NPAS3: variants seen among roughly 807,000 people sequenced by gnomAD.
The protein encoded by NPAS3 is neuronal PAS domain-containing protein 3.
A neutral mutation model predicts 73.1 loss-of-function variants in NPAS3; 14 were observed. The ratio of observed to expected loss-of-function variants is 0.19; its 90% CI spans 0.13 to 0.30. The LOEUF (loss-of-function observed/expected upper bound fraction) is 0.30, where lower values mean the gene tolerates loss of function less well. Among genes scored for constraint, NPAS3 ranks in the 10% least tolerant of loss-of-function variants. The pLI is 1.00. For synonymous variants in NPAS3, 620 were observed against 541.5 expected (o/e 1.14, Z -2.01); for missense variants, 1,096 against 1,250.0 (o/e 0.88, Z 1.86).
At chr14:33,163,439 T>C (rs2044986577) in intron 2 of NPAS3, among the ~76,000 whole-genome samples, 1 of 152,098 alleles carries the variant, frequency 6.6e-6, no homozygotes, top group Non-Finnish European at 1.5e-5. Context: ...TGAGTTGATA[T>C]GTAGAGAGAA....
intron 4 of NPAS3, among the ~76,000 whole-genome samples, chr14:33,404,457 T>C (rs765604958): frequency 6.6e-6 from 1 of 152,080 alleles, no homozygotes; most frequent in Admixed American, 6.6e-5. Flanking sequence ...AATTCTGTAA[T>C]GGGTACTTCA....
At chr14:33,202,461 G>A (rs937580538) in intron 2 of NPAS3, among the ~76,000 whole-genome samples, 7 of 152,078 alleles carry the variant, frequency 4.6e-5, no homozygotes, top group African/African-American at 1.7e-4. Context: ...AAGTAGACTT[G>A]GTTAAAATAA....
chr14:33,429,474 C>T (rs963735338), intron 4 of NPAS3, among the ~76,000 whole-genome samples: 1 of 152,070 alleles, frequency 6.6e-6, no homozygotes, highest in Non-Finnish European at 1.5e-5. Flanking sequence ...GCAACCATAC[C>T]CAACATCATC....
chr14:33,771,077 A>T (rs892877274), intron 7 of NPAS3, among the ~76,000 whole-genome samples: 1 of 152,172 alleles, frequency 6.6e-6, no homozygotes, highest in African/African-American at 2.4e-5. Flanking sequence ...TCTTGACAAT[A>T]TTCTTTTCTG....
intron 1 of NPAS3, among the ~76,000 whole-genome samples, chr14:33,002,094 C>T (rs565295976): frequency 1.3e-5 from 2 of 152,332 alleles, no homozygotes; most frequent in East Asian, 3.9e-4. Flanking sequence ...CACATTGTCT[C>T]CCAGTAATAC....
chr14:33,219,557 A>G (rs1472090474), intron 3 of NPAS3, among the ~76,000 whole-genome samples: 1 of 152,208 alleles, frequency 6.6e-6, no homozygotes, highest in African/African-American at 2.4e-5. Flanking sequence ...TGAACACATT[A>G]GGGAAGAACT....
intron 5 of NPAS3, among the ~76,000 whole-genome samples, chr14:33,571,143 T>C (rs183243487): frequency 1.3e-4 from 20 of 152,332 alleles, no homozygotes; most frequent in Admixed American, 1.3e-3. Context: ...CTGTTAGACA[T>C]TGAGTCTTTG....
At chr14:33,458,364 TTC>T (rs1411723309) in intron 4 of NPAS3, among the ~76,000 whole-genome samples, 2 of 152,342 alleles carry the variant, frequency 1.3e-5, no homozygotes, top group East Asian at 1.9e-4. Context: ...ACTTTAAATT[TTC>T]TCTGTTTTGA....
At chr14:33,729,859 T>C (rs996455634) in intron 6 of NPAS3, among the ~76,000 whole-genome samples, 1 of 152,256 alleles carries the variant, frequency 6.6e-6, no homozygotes. Flanking sequence ...GAAGAATTTG[T>C]AGCATTTTAA....
At chr14:33,480,572 CCTCT>C (rs1207658046) in intron 4 of NPAS3, among the ~76,000 whole-genome samples, 1 of 137,886 alleles carries the variant, frequency 7.3e-6, no homozygotes, top group Non-Finnish European at 1.6e-5. Flanking sequence ...TCCCTCCCTC[CCTCT>C]CTCTCTCTCC....
chr14:33,198,680 A>G (rs1449499568), intron 2 of NPAS3, among the ~76,000 whole-genome samples: 1 of 152,188 alleles, frequency 6.6e-6, no homozygotes, highest in Non-Finnish European at 1.5e-5. Flanking sequence ...GGTTTCCCCT[A>G]GTGGATCCCG....
intron 4 of NPAS3, among the ~76,000 whole-genome samples, chr14:33,453,194 T>C (rs1212564158): frequency 6.6e-6 from 1 of 152,172 alleles, no homozygotes; most frequent in Admixed American, 6.5e-5. Context: ...CTCTCCCATG[T>C]TCATCTCAGC....
chr14:33,285,382 T>C (rs894158763), intron 3 of NPAS3, among the ~76,000 whole-genome samples: 1 of 152,198 alleles, frequency 6.6e-6, no homozygotes, highest in African/African-American at 2.4e-5. Flanking sequence ...TAAGATGACC[T>C]GGAGAATAGA....
chr14:33,525,477 T>A (rs2053756257), intron 4 of NPAS3, among the ~76,000 whole-genome samples: 1 of 152,136 alleles, frequency 6.6e-6, no homozygotes, highest in Non-Finnish European at 1.5e-5. Flanking sequence ...AGGTAGAAGT[T>A]TAGTATTATT....
At chr14:33,765,320 GA>G (rs1159603455) in intron 7 of NPAS3, among the ~76,000 whole-genome samples, 1 of 150,866 alleles carries the variant, frequency 6.6e-6, no homozygotes, top group African/African-American at 2.4e-5. Flanking sequence ...AACTAAGAGT[GA>G]AAAATTACCA....
intron 2 of NPAS3, among the ~76,000 whole-genome samples, chr14:33,194,357 A>G (rs1441018402): frequency 6.6e-6 from 1 of 152,162 alleles, no homozygotes; most frequent in Non-Finnish European, 1.5e-5. Flanking sequence ...ACCCAAACTT[A>G]GAATACTTAG....
intron 2 of NPAS3, among the ~76,000 whole-genome samples, chr14:33,061,455 C>T (rs959797220): frequency 2.0e-5 from 3 of 152,178 alleles, no homozygotes; most frequent in Non-Finnish European, 4.4e-5. Flanking sequence ...TCAAGCCTTT[C>T]GATATCCAAA....
intron 3 of NPAS3, among the ~76,000 whole-genome samples, chr14:33,286,785 A>G (rs1179087718): frequency 1.3e-5 from 2 of 152,140 alleles, no homozygotes; most frequent in African/African-American, 4.8e-5. Context: ...TGCTCTGACA[A>G]TGTGGTTTCT....
intron 1 of NPAS3, among the ~76,000 whole-genome samples, chr14:32,999,328 G>A (rs574037182): frequency 3.1e-4 from 47 of 152,142 alleles, no homozygotes; most frequent in African/African-American, 9.9e-4. Context: ...TGGCTAACAC[G>A]GTGAAACCCC....
Sources: gnomAD v4.1 joint callset for allele counts (sites outside exome capture counted in the v4.1 genomes callset) on GRCh38, gnomAD v4.1.1 for gene constraint, MANE v1.5 for transcripts, NCBI Gene and HGNC (gene_info 2026-07-23, HGNC 2026-07-21) for gene names.